KPNA1: variants seen among roughly 807,000 people sequenced by gnomAD.
KPNA1 encodes the protein importin subunit alpha-5.
Under a neutral mutation model 70.5 loss-of-function variants are expected in KPNA1, and 10 were observed. That is an observed-to-expected ratio of 0.14 (90% CI 0.09 to 0.24). The LOEUF (loss-of-function observed/expected upper bound fraction) is 0.24. Ranked by LOEUF, KPNA1 falls within the 10% of genes least tolerant of loss-of-function variation. KPNA1 has a pLI of 1.00. For synonymous variants in KPNA1, 192 were observed against 221.9 expected, an observed-to-expected ratio of 0.87 and a Z score of 1.20; for missense variants, 397 against 637.9, an observed-to-expected ratio of 0.62 and a Z score of 4.07.
At chr3:122,430,551 CAAAT>C (rs377519532) in intron 12 of KPNA1, among the ~76,000 whole-genome samples, 1,033 of 88,704 alleles carry the variant, frequency 0.012, 7 homozygotes, top group African/African-American at 0.033. Flanking sequence ...TGTGGTTTCT[CAAAT>C]AAACTGTGTG....
At chr3:122,508,391 C>T (rs1014081390) in intron 1 of KPNA1, among the ~76,000 whole-genome samples, 5 of 152,140 alleles carry the variant, frequency 3.3e-5, no homozygotes, top group Admixed American at 2.6e-4. Context: ...AGGAGTTGGG[C>T]TCAAAATCAG....
At chr3:122,505,369 G>A (rs1021981151) in intron 1 of KPNA1, among the ~76,000 whole-genome samples, 11 of 151,220 alleles carry the variant, frequency 7.3e-5, no homozygotes, top group African/African-American at 2.7e-4. Flanking sequence ...TTAAAACAAT[G>A]TAAAATACAG....
chr3:122,464,369 C>T (rs2107747600), intron 3 of KPNA1: 1 of 184,010 alleles, frequency 5.4e-6, no homozygotes, highest in East Asian at 1.3e-4. Flanking sequence ...TAAAAGATGG[C>T]TTTTCAAGAC....
chr3:122,459,723 G>GT (rs1341967863), intron 5 of KPNA1: 2 of 985,348 alleles, frequency 2.0e-6, no homozygotes, highest in African/African-American at 1.7e-5. Context: ...ATGGGAACTG[G>GT]TAAGTGTCAA....
intron 1 of KPNA1, among the ~76,000 whole-genome samples, chr3:122,503,523 T>G (rs1489553134): frequency 6.6e-6 from 1 of 152,200 alleles, no homozygotes; most frequent in Non-Finnish European, 1.5e-5. Context: ...ATGTTCAAAT[T>G]TGCTTTGCAG....
At chr3:122,507,543 A>G (rs1034110061) in intron 1 of KPNA1, among the ~76,000 whole-genome samples, 1 of 152,140 alleles carries the variant, frequency 6.6e-6, no homozygotes, top group Non-Finnish European at 1.5e-5. Flanking sequence ...TATACTGATT[A>G]TACAAGAAAA....
chr3:122,438,570 G>C (rs1031491885), intron 10 of KPNA1, among the ~76,000 whole-genome samples: 8 of 151,922 alleles, frequency 5.3e-5, no homozygotes, highest in Non-Finnish European at 8.8e-5. Flanking sequence ...ATTTTTAGTA[G>C]AGACAGGGTT....
At chr3:122,437,050 G>T in intron 11 of KPNA1, 120 bp downstream of exon 11, 3 of 953,470 alleles carry the variant, frequency 3.1e-6, no homozygotes, top group Non-Finnish European at 3.2e-6. Context: ...AGAGTGCTGG[G>T]ATTACAGGCA....
intron 9 of KPNA1, among the ~76,000 whole-genome samples, chr3:122,445,034 A>C (rs2076117880): frequency 6.6e-6 from 1 of 152,210 alleles, no homozygotes; most frequent in African/African-American, 2.4e-5. Flanking sequence ...CAACAGAACA[A>C]AGCTGGACGG....
At chr3:122,495,035 A>C (rs1467057127) in intron 2 of KPNA1, among the ~76,000 whole-genome samples, 1 of 152,112 alleles carries the variant, frequency 6.6e-6, no homozygotes, top group Non-Finnish European at 1.5e-5. Context: ...GCAGATCACG[A>C]GGACAAGAGA....
intron 2 of KPNA1, among the ~76,000 whole-genome samples, chr3:122,494,486 C>T (rs140460795): frequency 2.6e-4 from 40 of 152,218 alleles, no homozygotes; most frequent in African/African-American, 9.1e-4. Context: ...ATTCCATTGA[C>T]TTATATGTCT....
intron 1 of KPNA1, among the ~76,000 whole-genome samples, chr3:122,505,621 CTT>C (rs5852302): frequency 0.23 from 34,208 of 152,026 alleles, 4,217 homozygotes; most frequent in Non-Finnish European, 0.27. Context: ...TAAATTTCCT[CTT>C]GTTTTCTAGA....
intron 12 of KPNA1, among the ~76,000 whole-genome samples, chr3:122,431,897 G>A (rs757454216): frequency 5.3e-5 from 8 of 151,472 alleles, no homozygotes; most frequent in Non-Finnish European, 1.0e-4. Context: ...TCTGCCTCCC[G>A]GGTTCAAGCG....
At chr3:122,455,090 G>A (rs1030516218) in intron 5 of KPNA1, among the ~76,000 whole-genome samples, 5 of 152,102 alleles carry the variant, frequency 3.3e-5, no homozygotes, top group African/African-American at 4.8e-5. Context: ...ATAACAAGTC[G>A]TCATCAAATG....
intron 2 of KPNA1, among the ~76,000 whole-genome samples, chr3:122,479,454 T>C (rs1423110579): frequency 5.3e-5 from 8 of 152,096 alleles, no homozygotes; most frequent in Admixed American, 2.6e-4. Context: ...AGTTTAGCAG[T>C]CTGTTACAAA....
intron 12 of KPNA1, among the ~76,000 whole-genome samples, chr3:122,430,653 A>C (rs1321273560): frequency 6.6e-6 from 1 of 152,098 alleles, no homozygotes; most frequent in Non-Finnish European, 1.5e-5. Context: ...ACAGACCCAC[A>C]CAAAAAGAAT....
At chr3:122,440,379 T>A (rs2107726005) in intron 10 of KPNA1, among the ~76,000 whole-genome samples, 1 of 152,210 alleles carries the variant, frequency 6.6e-6, no homozygotes, top group Admixed American at 6.5e-5. Context: ...GAGCAAGGGG[T>A]AGCAGTGGAG....
intron 2 of KPNA1, among the ~76,000 whole-genome samples, chr3:122,481,385 T>A (rs980364816): frequency 2.0e-5 from 3 of 152,214 alleles, no homozygotes; most frequent in African/African-American, 7.2e-5. Context: ...GATCAATCTT[T>A]AACACACTCT....
At chr3:122,462,919 TATATCA>T (rs2076340143) in intron 4 of KPNA1, among the ~76,000 whole-genome samples, 1 of 152,044 alleles carries the variant, frequency 6.6e-6, no homozygotes, top group South Asian at 2.1e-4. Context: ...CTACACTAAT[TATATCA>T]AAAAAAGTAC....
Sources: gnomAD v4.1 joint callset for allele counts (sites outside exome capture counted in the v4.1 genomes callset) on GRCh38, gnomAD v4.1.1 for gene constraint, MANE v1.5 for transcripts, NCBI Gene and HGNC (gene_info 2026-07-23, HGNC 2026-07-21) for gene names.